The following PDE10A variants were observed in gnomAD, a reference collection of about 807,000 sequenced individuals.
PDE10A encodes the protein cAMP and cAMP-inhibited cGMP 3',5'-cyclic phosphodiesterase 10A.
Under a neutral mutation model 97.7 loss-of-function variants are expected in PDE10A, and 39 were observed. That is an observed-to-expected ratio of 0.40 (90% CI 0.31 to 0.52). The LOEUF (loss-of-function observed/expected upper bound fraction) is 0.52. PDE10A is among the 20% of genes least tolerant of loss of function. The probability of loss-of-function intolerance (pLI) is 0.56; values close to 1 mark genes in which losing one functional copy is unlikely to be tolerated. For missense variants in PDE10A, 731 were observed against 1,047.8 expected, an observed-to-expected ratio of 0.70 and a Z score of 4.17; for synonymous variants, 371 against 376.8, an observed-to-expected ratio of 0.98 and a Z score of 0.18.
At chr6:165,957,201 C>T (rs1285454400) in intron 1 of PDE10A, among the ~76,000 whole-genome samples, 3 of 152,166 alleles carry the variant, frequency 2.0e-5, no homozygotes, top group Non-Finnish European at 4.4e-5. Flanking sequence ...GAGCACAGGC[C>T]CAGCCCAGTG....
intron 13 of PDE10A, among the ~76,000 whole-genome samples, chr6:165,400,869 A>G (rs1786608686): frequency 6.6e-6 from 1 of 152,242 alleles, no homozygotes; most frequent in Non-Finnish European, 1.5e-5. Context: ...ATAAACTACT[A>G]CTAAGTAATA....
At chr6:165,739,719 T>C (rs1167629434) in intron 1 of PDE10A, among the ~76,000 whole-genome samples, 1 of 152,076 alleles carries the variant, frequency 6.6e-6, no homozygotes, top group African/African-American at 2.4e-5. Flanking sequence ...TTGCAAACCA[T>C]ACATCCTATA....
intron 1 of PDE10A, among the ~76,000 whole-genome samples, chr6:165,826,504 CCTCTGTCCCAGTGTTA>C (rs1779755885): frequency 6.6e-6 from 1 of 151,806 alleles, no homozygotes; most frequent in East Asian, 1.9e-4. Context: ...TCCCTGTGTC[CCTCTGTCCCAGTGTTA>C]CTCTGCCCCT....
At chr6:165,934,152 C>CT (rs778137427) in intron 1 of PDE10A, among the ~76,000 whole-genome samples, 26,352 of 109,032 alleles carry the variant, frequency 0.24, 4,120 homozygotes, top group African/African-American at 0.34. Flanking sequence ...CCTGGCTGAT[C>CT]TTTTTTTTTT....
intron 2 of PDE10A, among the ~76,000 whole-genome samples, chr6:165,507,584 C>T (rs551449154): frequency 6.6e-6 from 1 of 152,174 alleles, no homozygotes; most frequent in South Asian, 2.1e-4. Flanking sequence ...TATCTCCCGC[C>T]AGATTTGTCC....
intron 1 of PDE10A, among the ~76,000 whole-genome samples, chr6:165,782,291 A>G (rs1778361086): frequency 6.6e-6 from 1 of 152,226 alleles, no homozygotes; most frequent in South Asian, 2.1e-4. Context: ...GAGAAATAGA[A>G]TTGCTGATTT....
chr6:165,778,425 T>C (rs1465610819), intron 1 of PDE10A, among the ~76,000 whole-genome samples: 1 of 152,214 alleles, frequency 6.6e-6, no homozygotes, highest in African/African-American at 2.4e-5. Flanking sequence ...TGCTCTATAG[T>C]ATGTAGGCAC....
intron 1 of PDE10A, among the ~76,000 whole-genome samples, chr6:165,710,246 G>A (rs1791860914): frequency 6.6e-6 from 1 of 152,142 alleles, no homozygotes; most frequent in Non-Finnish European, 1.5e-5. Flanking sequence ...AGTAGAATAT[G>A]AACCCCTGGA....
chr6:165,730,768 G>A (rs1273232562), intron 1 of PDE10A, among the ~76,000 whole-genome samples: 2 of 90,846 alleles, frequency 2.2e-5, no homozygotes, highest in African/African-American at 9.0e-5. Flanking sequence ...AAAAAAATCC[G>A]GGCCCGGTGG....
chr6:165,490,796 A>G (rs1193840506), intron 2 of PDE10A, among the ~76,000 whole-genome samples: 1 of 152,128 alleles, frequency 6.6e-6, no homozygotes, highest in Non-Finnish European at 1.5e-5. Context: ...GTCTACTAAA[A>G]ATACACATAT....
At chr6:165,691,106 T>TCTCTCTCTCCCC (rs143783728) in intron 1 of PDE10A, among the ~76,000 whole-genome samples, 2 of 39,130 alleles carry the variant, frequency 5.1e-5, no homozygotes. Flanking sequence ...TCTTTCTCTC[T>TCTCTCTCTCCCC]CCCCCCCCCC....
At chr6:165,703,922 G>A (rs984844227) in intron 1 of PDE10A, among the ~76,000 whole-genome samples, 6 of 152,182 alleles carry the variant, frequency 3.9e-5, no homozygotes, top group Non-Finnish European at 8.8e-5. Flanking sequence ...TCACAAAGAT[G>A]AATGGATGGA....
chr6:165,666,503 A>C (rs1185681332), upstream of PDE10A, among the ~76,000 whole-genome samples: 1 of 152,234 alleles, frequency 6.6e-6, no homozygotes, highest in East Asian at 1.9e-4. Context: ...TTTTCCATTT[A>C]ATAGCTAGCA....
chr6:165,963,867 C>A (rs1323198284), intron 1 of PDE10A, among the ~76,000 whole-genome samples: 1 of 152,188 alleles, frequency 6.6e-6, no homozygotes, highest in Non-Finnish European at 1.5e-5. Context: ...GGCCAGGCAG[C>A]CGTCTCACCT....
intron 1 of PDE10A, among the ~76,000 whole-genome samples, chr6:165,720,999 A>C (rs970554281): frequency 1.3e-5 from 2 of 152,222 alleles, no homozygotes; most frequent in African/African-American, 2.4e-5. Flanking sequence ...GACGTATGGA[A>C]AGTTATGTGT....
intron 1 of PDE10A, among the ~76,000 whole-genome samples, chr6:165,696,110 G>T (rs1021753344): frequency 1.3e-5 from 2 of 149,734 alleles, no homozygotes; most frequent in East Asian, 3.9e-4. Flanking sequence ...GTGTTGGGGA[G>T]GGGGAAGGAA....
At chr6:165,952,800 C>A (rs987665736) in intron 1 of PDE10A, among the ~76,000 whole-genome samples, 1 of 151,906 alleles carries the variant, frequency 6.6e-6, no homozygotes. Flanking sequence ...GCTCCATCCA[C>A]TTTGCTTAAG....
intron 3 of PDE10A, among the ~76,000 whole-genome samples, chr6:165,470,071 GC>G (rs1778899395): frequency 6.6e-6 from 1 of 152,156 alleles, no homozygotes; most frequent in African/African-American, 2.4e-5. Flanking sequence ...AATACCTGAG[GC>G]TACGTAATTT....
Position 165,464,249 on chromosome 6 carries a change from T to C in PDE10A, c.1024-13887A>G, listed in dbSNP as rs143214928. ...GTAAGCTGATAATTGTCATTCTGCATGTATTTGTCTACTTACATATACATA... is the reference window on the plus strand; with the variant it reads ...GTAAGCTGATAATTGTCATTCTGCACGTATTTGTCTACTTACATATACATA... On this transcript the variant is annotated intron_variant, in intron 3 of 21. Transcript: ENST00000539869. Among the ~76,000 whole-genome samples, 20 of 152,292 alleles carry C rather than the reference T, an allele frequency of 1.3e-4. No individual in the cohort carries two copies. The East Asian group carries it at 3.7e-3, about 28-fold the overall frequency.
Sources: allele counts gnomAD v4.1 joint callset (sites outside exome capture counted in the v4.1 genomes callset), GRCh38; gene constraint gnomAD v4.1.1; transcripts MANE v1.5; gene names NCBI Gene and HGNC (gene_info 2026-07-23, HGNC 2026-07-21).